Variants in PLEKHO2 observed in about 807,000 individuals in gnomAD.
PLEKHO2 encodes the protein pleckstrin homology domain-containing family O member 2.
A neutral mutation model predicts 32.7 loss-of-function variants in PLEKHO2; 20 were observed. The ratio of observed to expected loss-of-function variants is 0.61; its 90% CI spans 0.43 to 0.89. PLEKHO2 has a LOEUF of 0.89. PLEKHO2 is among the 40% of genes least tolerant of loss of function. The pLI is 0.00. For missense variants in PLEKHO2, 568 were observed against 621.2 expected (o/e 0.91, Z 0.91); for synonymous variants, 247 against 246.3 (o/e 1.00, Z -0.03).
rs974871105 is a variant in PLEKHO2 at position 64,861,660 on chromosome 15, A to G, written c.483+85A>G. 9 of 1,157,728 alleles carry G rather than the reference A, an allele frequency of 7.8e-6. No individual in the cohort carries two copies. The African/African-American group carries it at 1.3e-4, about 16-fold the overall frequency. 71.7% of individuals were successfully genotyped at this position (1,157,728 alleles called of 1,614,324 possible). ...GGGCGGCAGCCAGGCTTGGGGCCAC[A>G]TTTTTCCTGAGGACACCTGGAGCTG... On this transcript the variant is annotated intron_variant, in intron 5 of 5. Coordinates refer to ENST00000323544, the MANE Select transcript of PLEKHO2 (RefSeq NM_025201.5).
intron 1 of PLEKHO2, among the ~76,000 whole-genome samples, chr15:64,843,513 A>C (rs1211946732): frequency 6.6e-6 from 1 of 151,308 alleles, no homozygotes; most frequent in Non-Finnish European, 1.5e-5. Context: ...AGTTCTCCGG[A>C]CACCTCCTGG....
chr15:64,847,771 C>G (rs2084533616), intron 1 of PLEKHO2, among the ~76,000 whole-genome samples: 3 of 152,160 alleles, frequency 2.0e-5, no homozygotes, highest in Non-Finnish European at 4.4e-5. Context: ...GGAACCCTCA[C>G]CAGATGTGGT....
At chr15:64,859,868 A>G (rs372000331) in intron 3 of PLEKHO2, 26 bp from the exon 4 acceptor site, 56 of 1,588,014 alleles carry the variant, frequency 3.5e-5, no homozygotes, top group Admixed American at 3.0e-4. Flanking sequence ...AACATCTGCC[A>G]TCTACTCCAT....
Position 64,865,600 on chromosome 15 carries a change from T to C in PLEKHO2, c.1185T>C (p.Leu395=). Residue 395 remains leucine, a synonymous_variant, in exon 6 of 6, where the codon CTT becomes CTC. Transcript: ENST00000323544. ...GCTGCTCCTCCCTTGGGGACTTGCT[T>C]GGGGAAGGCCCGCGGCATCCCTTGC... ...HPRCSSLGDL[L]GEGPRHPLQP... is the part of the protein sequence containing the mutation. 1 of 1,614,222 alleles carries C rather than the reference T, an allele frequency of 6.2e-7. No homozygotes were observed. The highest frequency in any genetic ancestry group is 8.5e-7 in the Non-Finnish European group (1 of 1,180,026).
At chr15:64,857,230 G>A (rs1003674225) in intron 3 of PLEKHO2, among the ~76,000 whole-genome samples, 1 of 151,992 alleles carries the variant, frequency 6.6e-6, no homozygotes, top group African/African-American at 2.4e-5. Flanking sequence ...TAGCATCTAA[G>A]CTCCTAGCAG....
chr15:64,858,679 T>C (rs2084622125), intron 3 of PLEKHO2, among the ~76,000 whole-genome samples: 1 of 152,228 alleles, frequency 6.6e-6, no homozygotes, highest in South Asian at 2.1e-4. Context: ...GCAATGGTGC[T>C]AATTCCTATT....
chr15:64,855,829 A>G (rs1171727206), intron 3 of PLEKHO2, among the ~76,000 whole-genome samples: 3 of 152,148 alleles, frequency 2.0e-5, no homozygotes, highest in African/African-American at 4.8e-5. Context: ...CTCGCAGAAT[A>G]GGGCTGAGTC....
At position 64,858,082 on chromosome 15, in the gene PLEKHO2, C is replaced by A. The variant is rs2084617238; in HGVS notation, c.280-1812C>A. On this transcript the variant is annotated intron_variant, in intron 3 of 5. Coordinates refer to ENST00000323544, the MANE Select transcript of PLEKHO2 (RefSeq NM_025201.5). ...CAGGTCCCGTCACAGAGTTGGGTGG[C>A]CTTAGCGACCCCAGATGCAGTGTGG... 2.0e-5 allele frequency among the ~76,000 whole-genome samples: 3 copies of A among 152,228 alleles called. No homozygotes were observed. The South Asian group carries it at 6.2e-4, about 31-fold the overall frequency.
chr15:64,864,966 T>C lies in PLEKHO2; in HGVS notation c.551T>C (p.Val184Ala), dbSNP rs1370708896. ...GATGTTCCGGACAGTGGGCCACCAG[T>C]GTTTGCCCCCAGCAATCATGTCAGT... ...DLDVPDSGPP[V>A]FAPSNHVSEA... The change falls in exon 6 of 6, where the codon GTG becomes GCG. Residue 184 changes from valine (V) to alanine (A), a missense_variant. Val to Ala is a moderately conservative substitution (Grantham distance 64). Transcript: ENST00000323544. The C allele has an allele frequency of 6.2e-7, 1 of 1,614,096 alleles. No homozygotes were observed. Among genetic ancestry groups the C allele is most frequent in the African/African-American group, 1.3e-5 (1 of 75,012 alleles).
intron 2 of PLEKHO2, among the ~76,000 whole-genome samples, chr15:64,849,696 G>C (rs181556626): frequency 6.7e-6 from 1 of 150,266 alleles, no homozygotes; most frequent in Non-Finnish European, 1.5e-5. Context: ...ACCCACCTCC[G>C]CCTCCCAAAG....
intron 3 of PLEKHO2, among the ~76,000 whole-genome samples, chr15:64,858,859 A>C (rs993551838): frequency 6.6e-6 from 1 of 152,174 alleles, no homozygotes; most frequent in Admixed American, 6.5e-5. Flanking sequence ...AGCTATCACC[A>C]CCATCCATCA....
intron 4 of PLEKHO2, among the ~76,000 whole-genome samples, chr15:64,860,856 G>T (rs1259405913): frequency 1.3e-5 from 2 of 152,338 alleles, no homozygotes; most frequent in African/African-American, 4.8e-5. Flanking sequence ...GGGACAGAGG[G>T]ACAGAGGGAC....
Position 64,864,985 on chromosome 15 carries a change from T to C in PLEKHO2, c.570T>C (p.His190=), listed in dbSNP as rs927056558. ...SGPPVFAPSN[H]VSEAQPRETP... ...CACCAGTGTTTGCCCCCAGCAATCA[T>C]GTCAGTGAAGCCCAACCTCGGGAGA... is the stretch of plus-strand genomic sequence containing the variant. The change falls in exon 6 of 6, where the codon CAT becomes CAC. Residue 190 remains histidine (H), a synonymous_variant. Transcript: ENST00000323544. 6.2e-7 allele frequency: 1 copy of C among 1,614,116 alleles called. No individual in the cohort carries two copies.
chr15:64,863,691 T>C (rs2140346284), intron 5 of PLEKHO2, among the ~76,000 whole-genome samples: 1 of 151,090 alleles, frequency 6.6e-6, no homozygotes, highest in Non-Finnish European at 1.5e-5. Flanking sequence ...CTCTGGAGGC[T>C]GCAGTGAGCT....
chr15:64,861,241 G>A (rs542933250), intron 4 of PLEKHO2, among the ~76,000 whole-genome samples: 1 of 152,376 alleles, frequency 6.6e-6, no homozygotes, highest in South Asian at 2.1e-4. Flanking sequence ...AGGGCCGATG[G>A]CCCATATTTG....
At chr15:64,853,587 C>T (rs1055080610) in intron 2 of PLEKHO2, among the ~76,000 whole-genome samples, 2 of 152,120 alleles carry the variant, frequency 1.3e-5, no homozygotes, top group African/African-American at 4.8e-5. Context: ...AGCCACCGCA[C>T]CCAGCCGGGA....
chr15:64,852,801 A>G (rs1159640083), intron 2 of PLEKHO2, among the ~76,000 whole-genome samples: 2 of 151,924 alleles, frequency 1.3e-5, no homozygotes, highest in Admixed American at 1.3e-4. Context: ...TTGTATTTTT[A>G]GTAGAGACAG....
Position 64,843,582 on chromosome 15 carries a change from CT to C in PLEKHO2, c.12+1569del, listed in dbSNP as rs778238354. 3.6e-3 allele frequency among the ~76,000 whole-genome samples: 513 copies of C among 141,360 alleles called. 1 individual carries two copies. The highest frequency in any genetic ancestry group is 0.017 in the South Asian group (73 of 4,400). 92.7% of individuals were successfully genotyped at this position (141,360 alleles called of 152,430 possible). On this transcript the variant is annotated intron_variant, in intron 1 of 5. Coordinates refer to ENST00000323544, the MANE Select transcript of PLEKHO2 (RefSeq NM_025201.5). ...ATCTCTCACATTGTCACTTTCTTTT[CT>C]TTTTTTTTTTTTTTGAGACGGAGTT...
In PLEKHO2 at chr15:64,866,910, C is replaced by T. The variant is rs1283234895; in HGVS notation, c.*1022C>T. On this transcript the variant is annotated 3_prime_UTR_variant, in exon 6 of 6. Coordinates refer to ENST00000323544, the MANE Select transcript of PLEKHO2 (RefSeq NM_025201.5). Reference sequence around the variant, plus strand: ...TATGTTGGAATCCGAAGCCACTTCCCCGCCTTCAAGCCCCAGATGGGCTGC... The same window carrying T: ...TATGTTGGAATCCGAAGCCACTTCCTCGCCTTCAAGCCCCAGATGGGCTGC... 1.3e-5 allele frequency: 2 copies of T among 152,684 alleles called. No individual in the cohort carries two copies. Among genetic ancestry groups the T allele is most frequent in the African/African-American group, 4.8e-5 (2 of 41,440 alleles). The allele number at this position is 152,684 out of a possible 1,614,324, so 9.5% of individuals were successfully genotyped here.
Sources: gnomAD v4.1 joint callset for allele counts (sites outside exome capture counted in the v4.1 genomes callset) on GRCh38, gnomAD v4.1.1 for gene constraint, MANE v1.5 for transcripts, NCBI Gene and HGNC (gene_info 2026-07-23, HGNC 2026-07-21) for gene names.